The following OR56A3 variants were observed in gnomAD, a reference collection of about 807,000 sequenced individuals.
The protein encoded by OR56A3 is olfactory receptor family 56 subfamily A member 3, also known as olfactory receptor 56A3.
A neutral mutation model predicts 17.5 loss-of-function variants in OR56A3; 23 were observed. The ratio of observed to expected loss-of-function variants is 1.32; its 90% confidence interval spans 0.95 to 1.87. OR56A3 has a LOEUF of 1.87. Ranked by LOEUF, OR56A3 falls within the 40% of genes most tolerant of loss-of-function variation. The pLI, the probability that OR56A3 is intolerant of heterozygous loss-of-function variation, is 0.00. For synonymous variants in OR56A3, 175 were observed against 150.6 expected, an observed-to-expected ratio of 1.16 and a Z score of -1.19; for missense variants, 366 against 380.1, an observed-to-expected ratio of 0.96 and a Z score of 0.31.
the OR56A3 span, chr11:6,002,090 C>T: frequency 1.9e-5 from 30 of 1,604,106 alleles, no homozygotes; most frequent in Admixed American, 4.1e-4. Flanking sequence ...CCTGCTTGAT[C>T]TCCTTGGTTC....
chr11:6,003,106 C>G, the OR56A3 span: 1 of 1,601,684 alleles, frequency 6.2e-7, no homozygotes, highest in Admixed American at 1.7e-5. Context: ...CCACTGAGGC[C>G]CTGTATCTGT....
At chr11:5,956,381 A>G in the OR56A3 span, among the ~76,000 whole-genome samples, 129 of 152,206 alleles carry the variant, frequency 8.5e-4, no homozygotes, top group African/African-American at 2.9e-3. Context: ...CTAGGTGTAG[A>G]TCTGAGCTGC....
At chr11:5,959,932 C>T in the OR56A3 span, among the ~76,000 whole-genome samples, 2 of 152,000 alleles carry the variant, frequency 1.3e-5, no homozygotes, top group African/African-American at 2.4e-5. Context: ...TCTCCTTTTC[C>T]TCATTGTGTG....
the OR56A3 span, among the ~76,000 whole-genome samples, chr11:6,016,611 G>A: frequency 6.6e-6 from 1 of 152,010 alleles, no homozygotes; most frequent in South Asian, 2.1e-4. Context: ...GAAAAAGCAA[G>A]AAAACATGAC....
chr11:5,962,675 A>T, the OR56A3 span, among the ~76,000 whole-genome samples: 1 of 151,856 alleles, frequency 6.6e-6, no homozygotes, highest in Admixed American at 6.6e-5. Context: ...AGTAGCTGGG[A>T]CTACAGGCGC....
chr11:5,967,676 C>T, the OR56A3 span: 2,626 of 1,613,712 alleles, frequency 1.6e-3, 33 homozygotes, highest in African/African-American at 0.031. Flanking sequence ...TGGGGACATC[C>T]GGAGGAATTC....
the OR56A3 span, among the ~76,000 whole-genome samples, chr11:5,988,175 C>T: frequency 2.0e-5 from 3 of 152,130 alleles, no homozygotes; most frequent in African/African-American, 7.2e-5. Flanking sequence ...AATTCAAAGT[C>T]CACTGTCACC....
the OR56A3 span, among the ~76,000 whole-genome samples, chr11:5,976,913 T>G: frequency 6.6e-6 from 1 of 152,166 alleles, no homozygotes; most frequent in Non-Finnish European, 1.5e-5. Flanking sequence ...TGTTCTCTTC[T>G]TTGTGTTCAT....
At chr11:5,982,219 G>A in the OR56A3 span, among the ~76,000 whole-genome samples, 1 of 152,170 alleles carries the variant, frequency 6.6e-6, no homozygotes. Flanking sequence ...CAATGACAGT[G>A]GTAGTTTAAT....
chr11:6,001,896 T>C, the OR56A3 span: 1 of 642,934 alleles, frequency 1.6e-6, no homozygotes, highest in Non-Finnish European at 2.5e-6. Context: ...CACAAATAAA[T>C]GTGTTCATTG....
At chr11:5,988,896 TTC>T in the OR56A3 span, among the ~76,000 whole-genome samples, 4 of 152,264 alleles carry the variant, frequency 2.6e-5, no homozygotes. Flanking sequence ...AACTGTATTT[TTC>T]TCTGTTGGAG....
chr11:6,004,977 C>T, the OR56A3 span, among the ~76,000 whole-genome samples: 1 of 152,104 alleles, frequency 6.6e-6, no homozygotes, highest in Non-Finnish European at 1.5e-5. Context: ...ACAGTTGTGG[C>T]TCTAATAATG....
At chr11:5,975,882 T>A in the OR56A3 span, among the ~76,000 whole-genome samples, 1 of 152,032 alleles carries the variant, frequency 6.6e-6, no homozygotes. Context: ...GTTTCCTGAC[T>A]TTTTAAAACT....
chr11:5,983,845 A>T, the OR56A3 span, among the ~76,000 whole-genome samples: 1 of 151,896 alleles, frequency 6.6e-6, no homozygotes, highest in African/African-American at 2.4e-5. Flanking sequence ...TGCCTGCCTC[A>T]TGGATATGTA....
At chr11:5,966,561 CA>C in the OR56A3 span, among the ~76,000 whole-genome samples, 1 of 151,968 alleles carries the variant, frequency 6.6e-6, no homozygotes, top group Non-Finnish European at 1.5e-5. Flanking sequence ...AAATATTGGT[CA>C]GTATATAGGT....
rs575050030 is a variant in OR56A3, at chr11:5,949,748, T to C, written c.*1454T>C. On this transcript the variant is annotated 3_prime_UTR_variant, in exon 3 of 3. Coordinates refer to ENST00000641160, the MANE Select transcript of OR56A3 (RefSeq NM_001003443.3). ...GCAGAATTCCGCAGAGCTCTCTCCG[T>C]TCATTTCTCTTCTCCATCTTGCAAA... 28 of 152,310 alleles carry C rather than the reference T, an allele frequency of 1.8e-4. No homozygotes were observed. Among genetic ancestry groups the C allele is most frequent in the African/African-American group, 6.7e-4 (28 of 41,582 alleles). The allele number at this position is 152,310 out of a possible 1,614,324, so 9.4% of individuals were successfully genotyped here.
At chr11:5,963,303 T>C in the OR56A3 span, among the ~76,000 whole-genome samples, 2,076 of 152,266 alleles carry the variant, frequency 0.014, 55 homozygotes, top group African/African-American at 0.047. Flanking sequence ...TCTTTATTCA[T>C]GTATGTGTTT....
At chr11:5,958,302 A>G in the OR56A3 span, among the ~76,000 whole-genome samples, 1 of 152,310 alleles carries the variant, frequency 6.6e-6, no homozygotes, top group East Asian at 1.9e-4. Context: ...TGAGGGTGCC[A>G]TAGCATAACA....
chr11:6,002,460 T>G, the OR56A3 span: 1 of 1,614,228 alleles, frequency 6.2e-7, no homozygotes, highest in Non-Finnish European at 8.5e-7. Flanking sequence ...GATGCAGTTC[T>G]TGATTATGTT....
Sources: gnomAD v4.1 joint callset for allele counts (sites outside exome capture counted in the v4.1 genomes callset) on GRCh38, gnomAD v4.1.1 for gene constraint, MANE v1.5 for transcripts, NCBI Gene and HGNC (gene_info 2026-07-23, HGNC 2026-07-21) for gene names.